ADGRL2: variants seen among roughly 807,000 people sequenced by gnomAD.
ADGRL2 encodes adhesion G protein-coupled receptor L2.
A neutral mutation model predicts 157.4 loss-of-function variants in ADGRL2; 44 were observed. The ratio of observed to expected loss-of-function variants is 0.28; its 90% confidence interval spans 0.22 to 0.36. The LOEUF (loss-of-function observed/expected upper bound fraction) is 0.36. Among genes scored for constraint, ADGRL2 ranks in the 10% least tolerant of loss-of-function variants. The probability of loss-of-function intolerance (pLI) is 1.00; values close to 1 mark genes in which losing one functional copy is unlikely to be tolerated. For missense variants in ADGRL2, 1,510 were observed against 1,768.9 expected, an observed-to-expected ratio of 0.85 and a Z score of 2.63; for synonymous variants, 585 against 624.7, an observed-to-expected ratio of 0.94 and a Z score of 0.95.
At chr1:81,553,217 C>A (rs1262983870) in intron 2 of ADGRL2, among the ~76,000 whole-genome samples, 2 of 152,076 alleles carry the variant, frequency 1.3e-5, no homozygotes, top group African/African-American at 2.4e-5. Context: ...AATATCAAAT[C>A]TTGATCCACT....
At chr1:81,953,877 T>C (rs1402675872) in intron 10 of ADGRL2, among the ~76,000 whole-genome samples, 1 of 152,124 alleles carries the variant, frequency 6.6e-6, no homozygotes, top group Admixed American at 6.6e-5. Context: ...CAAAAGAACT[T>C]TTGTAGTTTC....
intron 2 of ADGRL2, among the ~76,000 whole-genome samples, chr1:81,887,949 A>G (rs1197246074): frequency 6.6e-6 from 1 of 152,160 alleles, no homozygotes; most frequent in Non-Finnish European, 1.5e-5. Context: ...TTCATTTGGG[A>G]TAGAGAATTC....
At chr1:81,942,150 C>A in intron 5 of ADGRL2, 105 bp downstream of exon 5, 1 of 511,004 alleles carries the variant, frequency 2.0e-6, no homozygotes, top group South Asian at 3.5e-5. Flanking sequence ...AAATAATCAG[C>A]AGGATCTCAT....
intron 6 of ADGRL2, among the ~76,000 whole-genome samples, chr1:81,946,425 T>G (rs1274813556): frequency 6.6e-6 from 1 of 151,764 alleles, no homozygotes; most frequent in East Asian, 1.9e-4. Flanking sequence ...CGAGGTCTGT[T>G]TTTCCTGTTT....
chr1:81,560,704 A>C (rs1320181205), intron 2 of ADGRL2, among the ~76,000 whole-genome samples: 1 of 152,154 alleles, frequency 6.6e-6, no homozygotes, highest in East Asian at 1.9e-4. Context: ...GTGAAGAAGG[A>C]AGAGAAAGAA....
At chr1:81,440,401 T>G (rs1218320802) in intron 1 of ADGRL2, among the ~76,000 whole-genome samples, 2 of 152,220 alleles carry the variant, frequency 1.3e-5, no homozygotes, top group African/African-American at 4.8e-5. Context: ...GAATCAGTAC[T>G]TAAAGGTTGG....
chr1:81,895,252 C>T (rs2094356602), intron 2 of ADGRL2, among the ~76,000 whole-genome samples: 2 of 152,040 alleles, frequency 1.3e-5, no homozygotes, highest in Admixed American at 1.3e-4. Context: ...GAGGAGGAAG[C>T]TGTTGTTACA....
rs143775943 is a variant in ADGRL2, at chr1:81,474,437, A to T, written c.-248+29348A>T. ...TGGATGAATAGATGAATCTGACATGATATGATTGAAGCAGTAGTTGGATGG... is the reference window on the plus strand; with the variant it reads ...TGGATGAATAGATGAATCTGACATGTTATGATTGAAGCAGTAGTTGGATGG... On this transcript the variant is annotated intron_variant, in intron 2 of 24. Coordinates refer to the ADGRL2 transcript ENST00000370721. Among the ~76,000 whole-genome samples, 27 of 152,282 alleles carry T rather than the reference A, an allele frequency of 1.8e-4. No homozygotes were observed. The East Asian group carries it at 5.2e-3, about 29-fold the overall frequency.
chr1:81,381,374 G>T (rs946152326), intron 1 of ADGRL2, among the ~76,000 whole-genome samples: 1 of 151,978 alleles, frequency 6.6e-6, no homozygotes, highest in Non-Finnish European at 1.5e-5. Flanking sequence ...ATTAAATAAT[G>T]GCTGTTGGTT....
intron 2 of ADGRL2, among the ~76,000 whole-genome samples, chr1:81,467,283 T>C (rs2078077242): frequency 6.6e-6 from 1 of 152,084 alleles, no homozygotes; most frequent in South Asian, 2.1e-4. Flanking sequence ...TGTTTAGTCA[T>C]TTACAGGAAT....
At position 81,561,394 on chromosome 1, in the gene ADGRL2, G is replaced by T. The variant is rs142373814; in HGVS notation, c.-247-19482G>T. Among the ~76,000 whole-genome samples the T allele has an allele frequency of 1.3e-4, 19 of 149,390 alleles. No homozygotes were observed. The South Asian group carries it at 4.1e-3, about 32-fold the overall frequency. ...TCTTTTTTATATATTATTTTCTCTC[G>T]CTATAATTTTTTTCTTTCAATTTTT... On this transcript the variant is annotated intron_variant, in intron 2 of 24. Coordinates refer to the ADGRL2 transcript ENST00000370721.
chr1:81,571,335 C>A lies in ADGRL2; in HGVS notation c.-247-9541C>A, dbSNP rs530068664. 4.1e-4 allele frequency among the ~76,000 whole-genome samples: 60 copies of A among 145,360 alleles called. 1 individual carries two copies. Among genetic ancestry groups the A allele is most frequent in the Middle Eastern group, 3.6e-3 (1 of 276 alleles). On this transcript the variant is annotated intron_variant, in intron 2 of 24. Transcript: ENST00000370721. ...CGAGACTCTGGCAAAAAAACAAATA[C>A]AAATATATATATACATATATATATA... is the stretch of plus-strand genomic sequence containing the variant.
intron 1 of ADGRL2, among the ~76,000 whole-genome samples, chr1:81,737,365 AAG>A (rs1301552341): frequency 1.3e-5 from 2 of 152,114 alleles, no homozygotes; most frequent in Admixed American, 6.5e-5. Flanking sequence ...TGGCAGGAGA[AAG>A]AGAGAGAGAG....
chr1:81,497,045 T>C (rs1055021466), intron 2 of ADGRL2, among the ~76,000 whole-genome samples: 1 of 152,136 alleles, frequency 6.6e-6, no homozygotes, highest in African/African-American at 2.4e-5. Context: ...AGAACACAAC[T>C]ACATAATTTC....
At chr1:81,768,007 C>G (rs1480320169) in intron 2 of ADGRL2, among the ~76,000 whole-genome samples, 1 of 151,970 alleles carries the variant, frequency 6.6e-6, no homozygotes, top group Non-Finnish European at 1.5e-5. Context: ...TTCTCTATAT[C>G]CTAGCTAGCA....
At chr1:81,413,720 A>G (rs2076987430) in intron 1 of ADGRL2, among the ~76,000 whole-genome samples, 1 of 152,222 alleles carries the variant, frequency 6.6e-6, no homozygotes, top group Non-Finnish European at 1.5e-5. Flanking sequence ...AAAAGAGTTT[A>G]TTAGATTTCC....
chr1:81,365,822 C>G (rs1262076127), intron 1 of ADGRL2, among the ~76,000 whole-genome samples: 1 of 152,120 alleles, frequency 6.6e-6, no homozygotes. Context: ...CTTTTACTGA[C>G]TAGCTATCTG....
In ADGRL2 at chr1:81,966,526, C is replaced by CA. The variant is rs1657094284; in HGVS notation, c.2267dup (p.His756GlnfsTer9). 1 of 1,613,872 alleles carries CA rather than the reference C, an allele frequency of 6.2e-7. No homozygotes were observed. The highest frequency in any genetic ancestry group is 1.3e-5 in the African/African-American group (1 of 74,894). ...TAATAGCACCATTGCAGTGAACTCT[C>CA]ACGTCATTTCAGTTTCAATCAATAA... On this transcript the variant is annotated frameshift_variant, in exon 13 of 24. Transcript: ENST00000686636. LOFTEE classifies it high-confidence loss of function.
chr1:81,496,375 AAAG>A (rs140231538), intron 2 of ADGRL2, among the ~76,000 whole-genome samples: 6 of 152,216 alleles, frequency 3.9e-5, no homozygotes, highest in Non-Finnish European at 5.9e-5. Flanking sequence ...CTTTAGCAAA[AAAG>A]GGGGAGAAAT....
Sources: gnomAD v4.1 joint callset for allele counts (sites outside exome capture counted in the v4.1 genomes callset) on GRCh38, gnomAD v4.1.1 for gene constraint, MANE v1.5 for transcripts, NCBI Gene and HGNC (gene_info 2026-07-23, HGNC 2026-07-21) for gene names.